Variants in SHISA9 observed in about 807,000 individuals in gnomAD.
The protein encoded by SHISA9 is shisa family member 9.
A neutral mutation model predicts 38.0 loss-of-function variants in SHISA9; 13 were observed. The observed-to-expected ratio is 0.34, with a 90% CI of 0.22 to 0.54. SHISA9 has a LOEUF of 0.54. Among genes scored for constraint, SHISA9 ranks in the 20% least tolerant of loss-of-function variants. The probability of loss-of-function intolerance (pLI) is 0.91; values close to 1 mark genes in which losing one functional copy is unlikely to be tolerated. For synonymous variants in SHISA9, 275 were observed against 242.0 expected (o/e 1.14, Z -1.27); for missense variants, 538 against 575.8 (o/e 0.93, Z 0.67).
chr16:12,919,178 A>G (rs1480351780), intron 2 of SHISA9, among the ~76,000 whole-genome samples: 2 of 149,020 alleles, frequency 1.3e-5, no homozygotes, highest in Admixed American at 1.3e-4. Flanking sequence ...ATTTTGATTG[A>G]TAGCAAAGTA....
chr16:13,171,237 G>GA (rs1428764282), intron 2 of SHISA9, among the ~76,000 whole-genome samples: 1 of 152,092 alleles, frequency 6.6e-6, no homozygotes, highest in Non-Finnish European at 1.5e-5. Flanking sequence ...ATTCATGAGG[G>GA]ATCCACCCCC....
intron 2 of SHISA9, among the ~76,000 whole-genome samples, chr16:13,196,414 A>AG: frequency 6.6e-6 from 1 of 151,434 alleles, no homozygotes; most frequent in South Asian, 2.1e-4. Context: ...AAAAAAAGAA[A>AG]GAAAAAAAAA....
At chr16:13,121,145 G>T (rs1257485189) in intron 2 of SHISA9, among the ~76,000 whole-genome samples, 2 of 151,806 alleles carry the variant, frequency 1.3e-5, no homozygotes, top group African/African-American at 4.8e-5. Flanking sequence ...GGGCCACAGG[G>T]GGAGACCCCC....
chr16:13,065,774 G>A (rs2073427245), intron 2 of SHISA9, among the ~76,000 whole-genome samples: 1 of 152,226 alleles, frequency 6.6e-6, no homozygotes, highest in South Asian at 2.1e-4. Flanking sequence ...AAAGACTGTT[G>A]TCTGGTGCTC....
chr16:13,445,427 T>C, the SHISA9 span, among the ~76,000 whole-genome samples: 1 of 152,138 alleles, frequency 6.6e-6, no homozygotes, highest in East Asian at 1.9e-4. Flanking sequence ...ATTCCTATAA[T>C]AGTCTTTGGA....
chr16:13,003,993 A>G (rs1443164079), intron 2 of SHISA9, among the ~76,000 whole-genome samples: 2 of 152,164 alleles, frequency 1.3e-5, no homozygotes, highest in Non-Finnish European at 2.9e-5. Flanking sequence ...TTTCTTTACA[A>G]CTTCTGTTAC....
intron 2 of SHISA9, among the ~76,000 whole-genome samples, chr16:13,006,308 G>C (rs1454540883): frequency 6.6e-6 from 1 of 151,896 alleles, no homozygotes; most frequent in East Asian, 1.9e-4. Context: ...AAATGGGAGA[G>C]GTCAAATCAT....
chr16:13,353,769 G>A, the SHISA9 span, among the ~76,000 whole-genome samples: 1 of 152,164 alleles, frequency 6.6e-6, no homozygotes, highest in African/African-American at 2.4e-5. Flanking sequence ...TGAGCTTGGT[G>A]AGGTGTGTTT....
At chr16:12,963,458 A>G (rs1382553428) in intron 2 of SHISA9, among the ~76,000 whole-genome samples, 1 of 152,236 alleles carries the variant, frequency 6.6e-6, no homozygotes, top group Non-Finnish European at 1.5e-5. Context: ...TCATAAAAGT[A>G]TGAGGGAGAC....
Position 12,918,223 on chromosome 16 carries a change from G to C in SHISA9, c.691+1408G>C, listed in dbSNP as rs1296337589. Among the ~76,000 whole-genome samples, 4 of 152,266 alleles carry C rather than the reference G, an allele frequency of 2.6e-5. No homozygotes were observed. In the South Asian group the frequency reaches 6.2e-4, roughly 24 times the overall value. On this transcript the variant is annotated intron_variant, in intron 2 of 4. Transcript: ENST00000558583. ...AGATATGGTAAATGGCATCAATTCT[G>C]ACACGGCAGTTGCTGTGTCCGATTC...
chr16:13,480,934 T>G, the SHISA9 span, among the ~76,000 whole-genome samples: 1 of 152,186 alleles, frequency 6.6e-6, no homozygotes, highest in African/African-American at 2.4e-5. Flanking sequence ...CTGTTCAGTT[T>G]TGTCAAGCTA....
the SHISA9 span, among the ~76,000 whole-genome samples, chr16:13,342,024 C>A: frequency 2.0e-5 from 3 of 152,140 alleles, no homozygotes; most frequent in African/African-American, 7.2e-5. Flanking sequence ...ATTCTGCCTG[C>A]TAAATAGTTC....
At chr16:13,199,422 T>A (rs1431749981) in intron 2 of SHISA9, among the ~76,000 whole-genome samples, 1 of 152,258 alleles carries the variant, frequency 6.6e-6, no homozygotes, top group Non-Finnish European at 1.5e-5. Context: ...TACCTGGGTT[T>A]GCCCCATGGA....
the SHISA9 span, among the ~76,000 whole-genome samples, chr16:13,291,886 A>G: frequency 6.6e-6 from 1 of 152,180 alleles, no homozygotes; most frequent in Admixed American, 6.5e-5. Flanking sequence ...CTTTATGAAG[A>G]TCACAACACA....
intron 2 of SHISA9, among the ~76,000 whole-genome samples, chr16:13,157,953 T>C (rs2050561857): frequency 6.6e-6 from 1 of 152,198 alleles, no homozygotes. Flanking sequence ...TCTCCAGGGT[T>C]CTTAGCCCCT....
At chr16:13,414,378 A>G in the SHISA9 span, among the ~76,000 whole-genome samples, 2 of 152,174 alleles carry the variant, frequency 1.3e-5, no homozygotes, top group Admixed American at 6.5e-5. Context: ...GCTCCAGCAG[A>G]TGAGTAAGTT....
At chr16:13,391,135 A>C in the SHISA9 span, among the ~76,000 whole-genome samples, 36 of 152,330 alleles carry the variant, frequency 2.4e-4, no homozygotes, top group Admixed American at 3.9e-4. Flanking sequence ...ATAGAGTGAC[A>C]TTCACTGAAA....
At chr16:12,905,154 A>T (rs1391213032) in intron 1 of SHISA9, among the ~76,000 whole-genome samples, 1 of 152,204 alleles carries the variant, frequency 6.6e-6, no homozygotes, top group Non-Finnish European at 1.5e-5. Flanking sequence ...GTGCAAGTAA[A>T]CACTCTCTCA....
chr16:13,357,293 T>G, the SHISA9 span, among the ~76,000 whole-genome samples: 1 of 152,318 alleles, frequency 6.6e-6, no homozygotes, highest in Admixed American at 6.5e-5. Context: ...ATGTCTCTTT[T>G]GTCTCTACTA....
Sources: allele counts gnomAD v4.1 joint callset (sites outside exome capture counted in the v4.1 genomes callset), GRCh38; gene constraint gnomAD v4.1.1; transcripts MANE v1.5; gene names NCBI Gene and HGNC (gene_info 2026-07-23, HGNC 2026-07-21).